The following XKR4 variants were observed in gnomAD, a reference collection of about 807,000 sequenced individuals.
The protein encoded by XKR4 is XK related 4.
A neutral mutation model predicts 53.9 loss-of-function variants in XKR4; 12 were observed. That is an observed-to-expected ratio of 0.22 (90% CI 0.14 to 0.36). The LOEUF (loss-of-function observed/expected upper bound fraction) is 0.36. Among genes scored for constraint, XKR4 ranks in the 10% least tolerant of loss-of-function variants. The pLI is 1.00. For synonymous variants in XKR4, 354 were observed against 362.4 expected (o/e 0.98, Z 0.26); for missense variants, 799 against 859.5 (o/e 0.93, Z 0.88).
Position 55,250,325 on chromosome 8 carries a change from G to C in XKR4, c.807-107353G>C, listed in dbSNP as rs562132489. 3.4e-3 allele frequency among the ~76,000 whole-genome samples: 520 copies of C among 152,230 alleles called. 1 individual carries two copies. Among genetic ancestry groups the C allele is most frequent in the African/African-American group, 0.012 (487 of 41,550 alleles). The stretch of plus-strand genomic sequence containing the variant: ...TCTCTCTTCTGACAATAACATAATA[G>C]AATGAAGCACATTTATTGTAAAGAA... On this transcript the variant is annotated intron_variant, in intron 1 of 2. Coordinates refer to ENST00000327381, the MANE Select transcript of XKR4 (RefSeq NM_052898.2).
chr8:55,354,885 T>A (rs1394104808), intron 1 of XKR4, among the ~76,000 whole-genome samples: 1 of 151,448 alleles, frequency 6.6e-6, no homozygotes, highest in Non-Finnish European at 1.5e-5. Flanking sequence ...GGATGATGGA[T>A]AGGACTCATC....
At chr8:55,208,813 C>T (rs575845772) in intron 1 of XKR4, among the ~76,000 whole-genome samples, 2 of 152,174 alleles carry the variant, frequency 1.3e-5, no homozygotes, top group East Asian at 3.9e-4. Flanking sequence ...ACCGTGTGGA[C>T]CCCCGCAGTT....
intron 1 of XKR4, among the ~76,000 whole-genome samples, chr8:55,204,288 C>A (rs955229015): frequency 6.6e-6 from 1 of 152,202 alleles, no homozygotes; most frequent in South Asian, 2.1e-4. Context: ...AAGTTATTGA[C>A]CAACAAATCA....
chr8:55,333,263 A>T (rs1300247647), intron 1 of XKR4, among the ~76,000 whole-genome samples: 1 of 152,004 alleles, frequency 6.6e-6, no homozygotes, highest in African/African-American at 2.4e-5. Context: ...ATTTTGTGCC[A>T]TTGAATTGGC....
chr8:55,435,251 T>C (rs1250368461), intron 2 of XKR4, among the ~76,000 whole-genome samples: 1 of 152,152 alleles, frequency 6.6e-6, no homozygotes, highest in Non-Finnish European at 1.5e-5. Flanking sequence ...TTACTAGGAT[T>C]AGTTTGAATC....
rs75752766 is a variant in XKR4 at position 55,219,197 on chromosome 8, T to C, written c.806+115903T>C. Among the ~76,000 whole-genome samples the C allele has an allele frequency of 8.7e-3, 1,318 of 152,352 alleles. 13 individuals carry two copies. Among genetic ancestry groups the C allele is most frequent in the Middle Eastern group, 0.031 (9 of 294 alleles). On this transcript the variant is annotated intron_variant, in intron 1 of 2. Transcript: ENST00000327381. The stretch of plus-strand genomic sequence containing the variant: ...AAATGGCAGTAATGCCTAAGGTACC[T>C]GTCAAAAGCATTGTTGTTTGCCGGG...
At chr8:55,196,644 T>C (rs1299506505) in intron 1 of XKR4, among the ~76,000 whole-genome samples, 3 of 152,190 alleles carry the variant, frequency 2.0e-5, no homozygotes, top group Non-Finnish European at 4.4e-5. Flanking sequence ...TTAAATAATG[T>C]TAAGTGCTGG....
intron 1 of XKR4, among the ~76,000 whole-genome samples, chr8:55,333,912 A>C (rs1803415738): frequency 6.6e-6 from 1 of 152,142 alleles, no homozygotes. Flanking sequence ...TTTTAAATTT[A>C]GTTTTCTCTT....
chr8:55,529,289 T>A lies in XKR4; in HGVS notation c.*5062T>A, dbSNP rs1188371746. Reference sequence around the variant, plus strand: ...ACCTGGCCCCCAAATGTAAAGCTTTTGTCAACCTTGAGGCCTATATTCTGC... The same window carrying A: ...ACCTGGCCCCCAAATGTAAAGCTTTAGTCAACCTTGAGGCCTATATTCTGC... On this transcript the variant is annotated 3_prime_UTR_variant, in exon 3 of 3. Coordinates refer to ENST00000327381, the MANE Select transcript of XKR4 (RefSeq NM_052898.2). 2.0e-5 allele frequency: 3 copies of A among 152,106 alleles called. No individual in the cohort carries two copies. Among genetic ancestry groups the A allele is most frequent in the African/African-American group, 7.2e-5 (3 of 41,424 alleles). 9.4% of individuals were successfully genotyped at this position (152,106 alleles called of 1,614,324 possible). A position where few individuals can be genotyped will look rare whatever the true frequency, so the allele number is the denominator to read the frequency against.
At chr8:55,450,448 G>A (rs1805420663) in intron 2 of XKR4, 1 of 585,124 alleles carries the variant, frequency 1.7e-6, no homozygotes, top group Admixed American at 2.5e-5. Flanking sequence ...ACAGAGACCT[G>A]CAAGGCAGCT....
intron 1 of XKR4, among the ~76,000 whole-genome samples, chr8:55,149,569 G>A (rs137881527): frequency 2.2e-4 from 33 of 152,288 alleles, no homozygotes; most frequent in Middle Eastern, 6.8e-3. Flanking sequence ...TTGGCAGCAC[G>A]GGGATGGTTT....
chr8:55,475,148 G>T (rs985351043), intron 2 of XKR4, among the ~76,000 whole-genome samples: 5 of 152,062 alleles, frequency 3.3e-5, no homozygotes. Context: ...GGAAATGACT[G>T]CTGATAAAAT....
chr8:55,293,993 T>G (rs1309032087), intron 1 of XKR4, among the ~76,000 whole-genome samples: 2 of 152,212 alleles, frequency 1.3e-5, no homozygotes, highest in African/African-American at 2.4e-5. Flanking sequence ...CTTGAAACAT[T>G]AACCCATTGA....
chr8:55,196,175 CTTTTTTTTTTT>C (rs1032613430), intron 1 of XKR4, among the ~76,000 whole-genome samples: 16 of 125,946 alleles, frequency 1.3e-4, no homozygotes, highest in African/African-American at 4.4e-4. Context: ...GTTGTGCTTC[CTTTTTTTTTTT>C]TTTTTTTTTG....
chr8:55,219,011 C>T (rs200007432), intron 1 of XKR4, among the ~76,000 whole-genome samples: 5 of 146,028 alleles, frequency 3.4e-5, no homozygotes, highest in Non-Finnish European at 6.0e-5. Flanking sequence ...TAGAAGCAGT[C>T]TTTTTTTTTT....
rs1317405578 is a variant in XKR4, at chr8:55,463,596, G to C, written c.1007-59685G>C. Reference sequence around the variant, plus strand: ...GAAGCAAGAGCAAACACGTTCAAAAGCTAGCAGAAGGCAAGAAATAACTAA... The same window carrying C: ...GAAGCAAGAGCAAACACGTTCAAAACCTAGCAGAAGGCAAGAAATAACTAA... On this transcript the variant is annotated intron_variant, in intron 2 of 2. Transcript: ENST00000327381. Among the ~76,000 whole-genome samples, 7 of 152,034 alleles carry C rather than the reference G, an allele frequency of 4.6e-5. 1 individual carries two copies. Among genetic ancestry groups the C allele is most frequent in the Admixed American group, 3.9e-4 (6 of 15,252 alleles).
chr8:55,209,027 A>G (rs1304832268), intron 1 of XKR4, among the ~76,000 whole-genome samples: 1 of 152,136 alleles, frequency 6.6e-6, no homozygotes, highest in African/African-American at 2.4e-5. Flanking sequence ...TTTTTCTCTC[A>G]TGTTTCAAAT....
intron 1 of XKR4, among the ~76,000 whole-genome samples, chr8:55,261,901 T>C (rs1818531894): frequency 6.6e-6 from 1 of 151,990 alleles, no homozygotes; most frequent in South Asian, 2.1e-4. Context: ...AAAAAGTATA[T>C]TCATATAAAG....
chr8:55,276,800 C>CA (rs935760115), intron 1 of XKR4, among the ~76,000 whole-genome samples: 1 of 151,412 alleles, frequency 6.6e-6, no homozygotes, highest in African/African-American at 2.4e-5. Flanking sequence ...TGCAATAATT[C>CA]AAAAAAAGGG....
Sources: gnomAD v4.1 joint callset for allele counts (sites outside exome capture counted in the v4.1 genomes callset) on GRCh38, gnomAD v4.1.1 for gene constraint, MANE v1.5 for transcripts, NCBI Gene and HGNC (gene_info 2026-07-23, HGNC 2026-07-21) for gene names.